LIX1: variants seen among roughly 807,000 people sequenced by gnomAD.
LIX1 encodes protein limb expression 1 homolog.
A neutral mutation model predicts 33.4 loss-of-function variants in LIX1; 24 were observed. That is an observed-to-expected ratio of 0.72 (90% CI 0.52 to 1.01). LIX1 has a LOEUF of 1.01. Among genes scored for constraint, LIX1 ranks in the 50% least tolerant of loss-of-function variants. The pLI is 0.00. For synonymous variants in LIX1, 124 were observed against 124.0 expected (o/e 1.00, Z 0.00); for missense variants, 311 against 339.2 (o/e 0.92, Z 0.65).
intron 2 of LIX1, among the ~76,000 whole-genome samples, chr5:97,115,874 G>C (rs1747622808): frequency 6.6e-6 from 1 of 152,166 alleles, no homozygotes; most frequent in African/African-American, 2.4e-5. Context: ...GTGTTATTTA[G>C]GTGGCATTTA....
At chr5:97,137,065 C>A (rs1035017229) in intron 1 of LIX1, 7 of 432,354 alleles carry the variant, frequency 1.6e-5, no homozygotes, top group Admixed American at 1.5e-4. Context: ...TCAGTAAAAC[C>A]GTGTCATTTA....
At chr5:97,110,342 A>T (rs1191900422) in intron 2 of LIX1, among the ~76,000 whole-genome samples, 1 of 152,216 alleles carries the variant, frequency 6.6e-6, no homozygotes, top group Non-Finnish European at 1.5e-5. Flanking sequence ...AACCAAACAA[A>T]CAACATTTGC....
At chr5:97,098,884 T>C (rs1245486045) in intron 4 of LIX1, among the ~76,000 whole-genome samples, 1 of 152,210 alleles carries the variant, frequency 6.6e-6, no homozygotes, top group Non-Finnish European at 1.5e-5. Flanking sequence ...ATAGCACTTC[T>C]CTCATGTCTA....
chr5:97,123,116 C>G (rs1057037001), intron 2 of LIX1, among the ~76,000 whole-genome samples: 1 of 152,130 alleles, frequency 6.6e-6, no homozygotes, highest in Admixed American at 6.6e-5. Context: ...AATCTTTCTT[C>G]TTTTATTTCC....
At chr5:97,130,886 C>T (rs1459326975) in intron 1 of LIX1, among the ~76,000 whole-genome samples, 3 of 152,092 alleles carry the variant, frequency 2.0e-5, no homozygotes, top group Non-Finnish European at 4.4e-5. Flanking sequence ...GTGATAGGCC[C>T]CTACAGGAGT....
chr5:97,141,435 A>C (rs551978558), intron 1 of LIX1, among the ~76,000 whole-genome samples: 13 of 152,376 alleles, frequency 8.5e-5, no homozygotes, highest in African/African-American at 2.9e-4. Flanking sequence ...TATGCCTTAA[A>C]GGACAGATTG....
At chr5:97,117,405 TG>T (rs1374450151) in intron 2 of LIX1, among the ~76,000 whole-genome samples, 1 of 152,198 alleles carries the variant, frequency 6.6e-6, no homozygotes, top group Non-Finnish European at 1.5e-5. Flanking sequence ...CTATTTGGGA[TG>T]TGGAATGTCA....
intron 4 of LIX1, among the ~76,000 whole-genome samples, chr5:97,100,669 G>C (rs950418189): frequency 3.3e-5 from 5 of 152,082 alleles, no homozygotes; most frequent in Admixed American, 2.6e-4. Context: ...CATGATTGCA[G>C]AGTGGGAAGG....
rs146872871 is a variant in LIX1, at chr5:97,135,693, C to T, written c.82+6802G>A. Among the ~76,000 whole-genome samples the T allele has an allele frequency of 3.4e-3, 519 of 152,152 alleles. 12 individuals are homozygous for T. The highest frequency in any genetic ancestry group is 0.03 in the Admixed American group (453 of 15,266). ...AATTAGCTAGGTGCAGTAGTGGGCG[C>T]CTGTAATCCCAGCTACTTGGTAGGC... On this transcript the variant is annotated intron_variant, in intron 1 of 5. Coordinates refer to ENST00000274382, the MANE Select transcript of LIX1 (RefSeq NM_153234.5).
At chr5:97,102,402 T>A (rs73143133) in intron 4 of LIX1, among the ~76,000 whole-genome samples, 38 of 152,156 alleles carry the variant, frequency 2.5e-4, no homozygotes, top group African/African-American at 8.4e-4. Flanking sequence ...ATGTGCCAGG[T>A]CCCAGCAGGC....
intron 4 of LIX1, among the ~76,000 whole-genome samples, chr5:97,102,515 A>G (rs2112757412): frequency 6.6e-6 from 1 of 152,296 alleles, no homozygotes; most frequent in East Asian, 1.9e-4. Context: ...CCCTGCCCTC[A>G]CATCTTCCTC....
intron 1 of LIX1, among the ~76,000 whole-genome samples, chr5:97,130,290 C>T (rs969982962): frequency 7.2e-5 from 11 of 152,352 alleles, no homozygotes; most frequent in African/African-American, 2.6e-4. Context: ...TGCCTTCCAC[C>T]TCAGGGTCAG....
intron 1 of LIX1, among the ~76,000 whole-genome samples, chr5:97,135,979 A>G (rs530639239): frequency 1.3e-5 from 2 of 152,336 alleles, no homozygotes; most frequent in African/African-American, 2.4e-5. Context: ...TGTGTAATGC[A>G]TCTTCCTTCC....
intron 2 of LIX1, among the ~76,000 whole-genome samples, chr5:97,113,879 A>G (rs569494268): frequency 7.9e-5 from 12 of 152,312 alleles, no homozygotes; most frequent in African/African-American, 2.4e-4. Context: ...TTCATTTACA[A>G]CAAAAGGCCA....
chr5:97,138,529 T>C lies in LIX1; in HGVS notation c.82+3966A>G, dbSNP rs187945580. Among the ~76,000 whole-genome samples, 268 of 152,336 alleles carry C rather than the reference T, an allele frequency of 1.8e-3. 1 individual carries two copies. Among genetic ancestry groups the C allele is most frequent in the Non-Finnish European group, 3.0e-3 (204 of 68,034 alleles). On this transcript the variant is annotated intron_variant, in intron 1 of 5. Coordinates refer to ENST00000274382, the MANE Select transcript of LIX1 (RefSeq NM_153234.5). ...CCATAAACTTCCAGAACTAATTTAC[T>C]GTTAACTCCAATGGCTCCCTATTGC...
At chr5:97,106,306 G>T (rs1747022932) in intron 3 of LIX1, among the ~76,000 whole-genome samples, 1 of 152,182 alleles carries the variant, frequency 6.6e-6, no homozygotes, top group African/African-American at 2.4e-5. Context: ...CCTCAGACCA[G>T]ATATAGAACA....
intron 1 of LIX1, among the ~76,000 whole-genome samples, chr5:97,137,562 TATGATAAATAAAGTAAA>T (rs1291183556): frequency 1.3e-5 from 2 of 152,122 alleles, no homozygotes; most frequent in Non-Finnish European, 2.9e-5. Context: ...AATTAGGCCC[TATGATAAATAAAGTAAA>T]ATTAGCATTT....
In LIX1 at chr5:97,110,900, C is replaced by G. The variant is rs932872714; in HGVS notation, c.247-3400G>C. On this transcript the variant is annotated intron_variant, in intron 2 of 5. Transcript: ENST00000274382. ...CAGCAAGGCCATTCAAGGTTTAGAC[C>G]TCTTCTAAGTTTTAGGCAACTTGTA... Among the ~76,000 whole-genome samples, 4 of 152,002 alleles carry G rather than the reference C, an allele frequency of 2.6e-5. No individual in the cohort carries two copies. In the South Asian group the frequency reaches 6.2e-4, roughly 24 times the overall value.
intron 1 of LIX1, among the ~76,000 whole-genome samples, chr5:97,136,246 G>T (rs1309955906): frequency 6.6e-6 from 1 of 152,208 alleles, no homozygotes; most frequent in African/African-American, 2.4e-5. Flanking sequence ...GGGTGTGTTT[G>T]TCTTTAGAGC....
Sources: gnomAD v4.1 joint callset for allele counts (sites outside exome capture counted in the v4.1 genomes callset) on GRCh38, gnomAD v4.1.1 for gene constraint, MANE v1.5 for transcripts, NCBI Gene and HGNC (gene_info 2026-07-23, HGNC 2026-07-21) for gene names.